The following HCRTR2 variants were observed in gnomAD, a reference collection of about 807,000 sequenced individuals.
HCRTR2 encodes hypocretin receptor 2.
Under a neutral mutation model 49.0 loss-of-function variants are expected in HCRTR2, and 22 were observed. The observed-to-expected ratio is 0.45, with a 90% confidence interval of 0.32 to 0.64. HCRTR2 has a LOEUF of 0.64. Among genes scored for constraint, HCRTR2 ranks in the 30% least tolerant of loss-of-function variants. The pLI is 0.04. For synonymous variants in HCRTR2, 236 were observed against 205.3 expected, an observed-to-expected ratio of 1.15 and a Z score of -1.28; for missense variants, 491 against 559.4, an observed-to-expected ratio of 0.88 and a Z score of 1.23.
Position 55,174,682 on chromosome 6 carries a change from C to T in HCRTR2, c.95C>T (p.Thr32Ile), listed in dbSNP as rs1475156628. The change falls in exon 1 of 7, where the codon ACC becomes ATC. Residue 32 changes from threonine (T) to isoleucine (I), a missense_variant. By Grantham distance (89) the Thr-to-Ile change is moderately conservative. Transcript: ENST00000370862. ...ACTCAAGAGCCCTTTTTAAACCCCA[C>T]CGACTATGACGACGAGGAATTCCTG... is the stretch of plus-strand genomic sequence containing the variant. ...NETQEPFLNP[T>I]DYDDEEFLRY... 1 of 1,614,114 alleles carries T rather than the reference C, an allele frequency of 6.2e-7. No homozygotes were observed. Among genetic ancestry groups the T allele is most frequent in the South Asian group, 1.1e-5 (1 of 91,082 alleles).
chr6:55,118,049 C>T (rs751933907), intron 1 of HCRTR2, among the ~76,000 whole-genome samples: 2 of 151,766 alleles, frequency 1.3e-5, no homozygotes, highest in Non-Finnish European at 2.9e-5. Flanking sequence ...CCTGTCCCTC[C>T]TCTCACCCTC....
At chr6:55,278,755 ATTT>A (rs34111627) in intron 5 of HCRTR2, among the ~76,000 whole-genome samples, 13,640 of 146,696 alleles carry the variant, frequency 0.093, 1,148 homozygotes, top group East Asian at 0.29. Flanking sequence ...TATTATTATT[ATTT>A]TTGCTAACAG....
At chr6:55,199,083 G>A (rs911843415) in intron 1 of HCRTR2, among the ~76,000 whole-genome samples, 3 of 152,126 alleles carry the variant, frequency 2.0e-5, no homozygotes, top group Non-Finnish European at 4.4e-5. Flanking sequence ...ATGAAGAGTG[G>A]GAGAGTTGGT....
chr6:55,170,332 G>A (rs1764931032), upstream of HCRTR2, among the ~76,000 whole-genome samples: 1 of 148,888 alleles, frequency 6.7e-6, no homozygotes, highest in Admixed American at 6.7e-5. Flanking sequence ...TATATACATA[G>A]TATTTGTATA....
At chr6:55,224,722 G>A (rs1196220653) in intron 1 of HCRTR2, among the ~76,000 whole-genome samples, 1 of 152,036 alleles carries the variant, frequency 6.6e-6, no homozygotes, top group Non-Finnish European at 1.5e-5. Flanking sequence ...GCAACAACAT[G>A]GATGAACCTG....
intron 1 of HCRTR2, among the ~76,000 whole-genome samples, chr6:55,206,397 C>T (rs1026505419): frequency 4.0e-5 from 6 of 151,866 alleles, no homozygotes; most frequent in Non-Finnish European, 8.8e-5. Flanking sequence ...TCTTCGTCTC[C>T]TTAGTAAGAG....
intron 1 of HCRTR2, among the ~76,000 whole-genome samples, chr6:55,131,628 T>C (rs1764356035): frequency 6.6e-6 from 1 of 151,800 alleles, no homozygotes; most frequent in African/African-American, 2.4e-5. Context: ...GGCAAAAATT[T>C]TAAGTGGAAA....
At chr6:55,158,889 T>G (rs1345496883) in intron 1 of HCRTR2, among the ~76,000 whole-genome samples, 1 of 152,178 alleles carries the variant, frequency 6.6e-6, no homozygotes, top group Non-Finnish European at 1.5e-5. Flanking sequence ...TTCAGCAGAC[T>G]TAAATATTGC....
At chr6:55,284,679 A>T (rs1767253220), downstream of HCRTR2, among the ~76,000 whole-genome samples, 1 of 151,960 alleles carries the variant, frequency 6.6e-6, no homozygotes, top group South Asian at 2.1e-4. Context: ...TAAAAAAAAA[A>T]CAGTTTACAA....
At chr6:55,187,816 T>G (rs1243473266) in intron 1 of HCRTR2, among the ~76,000 whole-genome samples, 1 of 151,576 alleles carries the variant, frequency 6.6e-6, no homozygotes, top group Non-Finnish European at 1.5e-5. Flanking sequence ...ATGCTCTGTC[T>G]CCCAGACTGG....
At chr6:55,226,934 A>G (rs879687473) in intron 1 of HCRTR2, among the ~76,000 whole-genome samples, 4 of 151,990 alleles carry the variant, frequency 2.6e-5, no homozygotes, top group Admixed American at 1.3e-4. Flanking sequence ...GGATATGAAG[A>G]TTAGTGAAGG....
intron 2 of HCRTR2, among the ~76,000 whole-genome samples, chr6:55,251,557 G>A (rs112889612): frequency 0.014 from 2,168 of 151,958 alleles, 27 homozygotes; most frequent in Middle Eastern, 0.041. Context: ...CACAGAAAAT[G>A]CCAGAAAAAA....
chr6:55,244,493 G>A (rs9349773), intron 1 of HCRTR2, among the ~76,000 whole-genome samples: 26,239 of 151,544 alleles, frequency 0.17, 2,757 homozygotes, highest in Non-Finnish European at 0.24. Context: ...TATAATAGAG[G>A]AAAGAGATAT....
At chr6:55,178,292 T>C (rs1413757190) in intron 1 of HCRTR2, among the ~76,000 whole-genome samples, 2 of 152,152 alleles carry the variant, frequency 1.3e-5, no homozygotes, top group Non-Finnish European at 2.9e-5. Flanking sequence ...TCATCTGGTA[T>C]GCTTCTGTCA....
intron 1 of HCRTR2, among the ~76,000 whole-genome samples, chr6:55,115,535 C>A (rs1215227152): frequency 8.0e-5 from 12 of 150,828 alleles, no homozygotes; most frequent in Non-Finnish European, 1.8e-4. Context: ...GTAGTACTAG[C>A]AGTAGTAGCA....
intron 3 of HCRTR2, among the ~76,000 whole-genome samples, chr6:55,257,612 A>T (rs556793934): frequency 6.6e-6 from 1 of 152,000 alleles, no homozygotes; most frequent in East Asian, 1.9e-4. Context: ...AGTTATTATG[A>T]TTATGTAAAT....
intron 1 of HCRTR2, among the ~76,000 whole-genome samples, chr6:55,113,369 C>A (rs1225461103): frequency 6.6e-6 from 1 of 151,978 alleles, no homozygotes; most frequent in Non-Finnish European, 1.5e-5. Context: ...AAAATCTTCA[C>A]AAACTATGCA....
intron 1 of HCRTR2, among the ~76,000 whole-genome samples, chr6:55,193,936 G>GA (rs1324744665): frequency 6.6e-6 from 1 of 152,080 alleles, no homozygotes; most frequent in Non-Finnish European, 1.5e-5. Context: ...AGAAAAGGGA[G>GA]AAAAATCTCA....
At chr6:55,135,017 T>G (rs1764414072) in intron 1 of HCRTR2, among the ~76,000 whole-genome samples, 1 of 152,034 alleles carries the variant, frequency 6.6e-6, no homozygotes, top group Admixed American at 6.6e-5. Flanking sequence ...AGTCTTCTAT[T>G]TACTTCAACA....
Sources: gnomAD v4.1 joint callset for allele counts (sites outside exome capture counted in the v4.1 genomes callset) on GRCh38, gnomAD v4.1.1 for gene constraint, MANE v1.5 for transcripts, NCBI Gene and HGNC (gene_info 2026-07-23, HGNC 2026-07-21) for gene names.